PIK3C2G: variants seen among roughly 807,000 people sequenced by gnomAD.
PIK3C2G encodes phosphatidylinositol-4-phosphate 3-kinase catalytic subunit type 2 gamma.
In PIK3C2G, 168 loss-of-function variants were observed where a neutral mutation model predicts 181.1. The ratio of observed to expected loss-of-function variants is 0.93; its 90% CI spans 0.82 to 1.05. PIK3C2G has a LOEUF of 1.05. PIK3C2G is among the 50% of genes least tolerant of loss of function. The pLI, the probability that PIK3C2G is intolerant of heterozygous loss-of-function variation, is 0.00. For synonymous variants in PIK3C2G, 573 were observed against 592.2 expected (o/e 0.97, Z 0.47); for missense variants, 1,869 against 1,732.8 (o/e 1.08, Z -1.40).
chr12:18,270,541 T>C (rs2137050311), intron 1 of PIK3C2G, among the ~76,000 whole-genome samples: 1 of 152,272 alleles, frequency 6.6e-6, no homozygotes, highest in South Asian at 2.1e-4. Flanking sequence ...CCAAGTGAGG[T>C]AAAACTTATC....
intron 18 of PIK3C2G, among the ~76,000 whole-genome samples, chr12:18,428,530 A>T (rs771096917): frequency 6.6e-6 from 1 of 152,168 alleles, no homozygotes; most frequent in African/African-American, 2.4e-5. Flanking sequence ...AACTCTATAT[A>T]TCCTCAACAG....
chr12:18,297,031 T>G (rs964600342), intron 5 of PIK3C2G, among the ~76,000 whole-genome samples: 1 of 152,084 alleles, frequency 6.6e-6, no homozygotes, highest in Non-Finnish European at 1.5e-5. Flanking sequence ...TCTTGTCCAA[T>G]AGCTTGATCC....
At chr12:18,290,698 A>T (rs1048196190) in intron 3 of PIK3C2G, among the ~76,000 whole-genome samples, 157 bp from the exon 4 acceptor site, 4 of 152,194 alleles carry the variant, frequency 2.6e-5, no homozygotes, top group African/African-American at 4.8e-5. Context: ...AGCTAAATGC[A>T]CTGCATCACA....
intron 5 of PIK3C2G, among the ~76,000 whole-genome samples, chr12:18,312,292 A>G (rs1444164450): frequency 6.6e-6 from 1 of 152,192 alleles, no homozygotes; most frequent in Non-Finnish European, 1.5e-5. Flanking sequence ...GCAGGTGGAT[A>G]AAATAAAGAA....
intron 18 of PIK3C2G, among the ~76,000 whole-genome samples, chr12:18,432,514 A>C (rs958038556): frequency 1.3e-5 from 2 of 152,144 alleles, no homozygotes; most frequent in Non-Finnish European, 2.9e-5. Context: ...CCACTGTCAT[A>C]GTTTATACTA....
intron 24 of PIK3C2G, among the ~76,000 whole-genome samples, chr12:18,518,051 A>G (rs1168107989): frequency 6.6e-6 from 1 of 152,190 alleles, no homozygotes; most frequent in African/African-American, 2.4e-5. Flanking sequence ...TGATTTGCGT[A>G]TGTTGAACCA....
At chr12:18,714,180 T>C in the PIK3C2G span, among the ~76,000 whole-genome samples, 1 of 152,234 alleles carries the variant, frequency 6.6e-6, no homozygotes, top group Non-Finnish European at 1.5e-5. Flanking sequence ...GTTTTCTTGA[T>C]TCATGCAAAT....
At chr12:18,483,231 C>T (rs1271319684) in intron 18 of PIK3C2G, among the ~76,000 whole-genome samples, 1 of 152,166 alleles carries the variant, frequency 6.6e-6, no homozygotes, top group African/African-American at 2.4e-5. Context: ...CTGCCCTCAG[C>T]CATCAGACCC....
chr12:18,608,112 C>G (rs1301892976), intron 30 of PIK3C2G, among the ~76,000 whole-genome samples: 1 of 152,034 alleles, frequency 6.6e-6, no homozygotes, highest in Non-Finnish European at 1.5e-5. Flanking sequence ...TGTTGGTGGG[C>G]TATAAACTGG....
At chr12:18,681,750 A>T in the PIK3C2G span, among the ~76,000 whole-genome samples, 3 of 152,070 alleles carry the variant, frequency 2.0e-5, no homozygotes, top group African/African-American at 7.2e-5. Flanking sequence ...AAAATTAGTG[A>T]GATAAGTTTG....
At chr12:18,417,853 T>A (rs1945267704) in intron 16 of PIK3C2G, among the ~76,000 whole-genome samples, 2 of 152,068 alleles carry the variant, frequency 1.3e-5, no homozygotes, top group African/African-American at 2.4e-5. Flanking sequence ...TGCCTGTACA[T>A]CCCTCTCTTT....
chr12:18,285,843 T>C (rs1375841131), intron 2 of PIK3C2G, among the ~76,000 whole-genome samples: 1 of 151,796 alleles, frequency 6.6e-6, no homozygotes, highest in Admixed American at 6.6e-5. Flanking sequence ...AATCTAACAA[T>C]TTCCATAAAT....
intron 9 of PIK3C2G, among the ~76,000 whole-genome samples, chr12:18,340,014 T>A (rs1378122390): frequency 1.3e-5 from 2 of 152,276 alleles, no homozygotes; most frequent in Admixed American, 1.3e-4. Context: ...TCTCTTTTAC[T>A]TTCCAATTAT....
intron 13 of PIK3C2G, among the ~76,000 whole-genome samples, chr12:18,374,877 C>G (rs1190658590): frequency 6.6e-6 from 1 of 152,140 alleles, no homozygotes; most frequent in Non-Finnish European, 1.5e-5. Context: ...ACCTGCTCCT[C>G]CTTTGCCTTC....
chr12:18,507,226 C>T (rs1021565876), intron 24 of PIK3C2G, among the ~76,000 whole-genome samples: 4 of 151,956 alleles, frequency 2.6e-5, no homozygotes, highest in East Asian at 1.9e-4. Context: ...GGTGGGGTTT[C>T]GCCATGTTGG....
At chr12:18,612,571 A>G (rs1176574800) in intron 31 of PIK3C2G, among the ~76,000 whole-genome samples, 2 of 152,116 alleles carry the variant, frequency 1.3e-5, no homozygotes, top group African/African-American at 4.8e-5. Context: ...CATTTTCCAC[A>G]GCTTCCTTTA....
the PIK3C2G span, among the ~76,000 whole-genome samples, chr12:18,662,803 T>C: frequency 6.6e-6 from 1 of 152,104 alleles, no homozygotes; most frequent in South Asian, 2.1e-4. Context: ...AACTTTAGCA[T>C]GTTAAATGTA....
intron 31 of PIK3C2G, among the ~76,000 whole-genome samples, chr12:18,637,973 A>G (rs745647872): frequency 1.1e-3 from 170 of 152,314 alleles, no homozygotes; most frequent in Non-Finnish European, 1.0e-3. Context: ...AGCCCGAAAC[A>G]ACAAAAAAAT....
intron 18 of PIK3C2G, among the ~76,000 whole-genome samples, chr12:18,482,112 C>A (rs565006410): frequency 2.6e-5 from 4 of 152,024 alleles, no homozygotes; most frequent in Admixed American, 2.0e-4. Flanking sequence ...TTTAAAACTT[C>A]GTTTTCTTCT....
Sources: allele counts gnomAD v4.1 joint callset (sites outside exome capture counted in the v4.1 genomes callset), GRCh38; gene constraint gnomAD v4.1.1; transcripts MANE v1.5; gene names NCBI Gene and HGNC (gene_info 2026-07-23, HGNC 2026-07-21).